The following NHSL3 variants were observed in gnomAD, a reference collection of about 807,000 sequenced individuals.
NHSL3 encodes the protein NHS like 3.
At chr1:32,755,567 G>A in the NHSL3 span, among the ~76,000 whole-genome samples, 1 of 152,164 alleles carries the variant, frequency 6.6e-6, no homozygotes, top group Non-Finnish European at 1.5e-5. Flanking sequence ...GGTTCTGTCT[G>A]TGAAATCAGG....
chr1:32,747,538 T>G, the NHSL3 span, among the ~76,000 whole-genome samples: 3 of 152,000 alleles, frequency 2.0e-5, no homozygotes, highest in African/African-American at 7.3e-5. Context: ...AGTTTGAGAA[T>G]GGGCTGAGGG....
At chr1:32,771,766 T>C in the NHSL3 span, 7 of 1,613,626 alleles carry the variant, frequency 4.3e-6, no homozygotes, top group African/African-American at 6.7e-5. Flanking sequence ...ACCGGTGGGC[T>C]GTAGCAAGGG....
At chr1:32,767,671 G>A in the NHSL3 span, 7 of 824,716 alleles carry the variant, frequency 8.5e-6, no homozygotes, top group African/African-American at 3.4e-5. Context: ...GGCATTGCTT[G>A]TATATGCAAT....
At chr1:32,743,861 GTAACAC>G in the NHSL3 span, among the ~76,000 whole-genome samples, 2 of 152,212 alleles carry the variant, frequency 1.3e-5, no homozygotes, top group Admixed American at 1.3e-4. Flanking sequence ...ACGTGCATGG[GTAACAC>G]CTCCTTGCCC....
At chr1:32,747,401 C>G in the NHSL3 span, among the ~76,000 whole-genome samples, 1 of 152,012 alleles carries the variant, frequency 6.6e-6, no homozygotes, top group Non-Finnish European at 1.5e-5. Flanking sequence ...TCTCGAACTC[C>G]TGACCTCATG....
At chr1:32,760,919 G>T in the NHSL3 span, among the ~76,000 whole-genome samples, 1 of 152,164 alleles carries the variant, frequency 6.6e-6, no homozygotes, top group Admixed American at 6.5e-5. Context: ...GTGCCCACCT[G>T]CGGAGGTGGC....
chr1:32,757,653 T>C, the NHSL3 span, among the ~76,000 whole-genome samples: 7 of 152,134 alleles, frequency 4.6e-5, no homozygotes, highest in Non-Finnish European at 8.8e-5. Flanking sequence ...GTTAATTCAT[T>C]TGTCCTTTGT....
chr1:32,748,529 C>T, the NHSL3 span, among the ~76,000 whole-genome samples: 3 of 152,154 alleles, frequency 2.0e-5, no homozygotes, highest in African/African-American at 7.2e-5. Flanking sequence ...ATGTGCTCCC[C>T]TTCACTTTGC....
At chr1:32,765,839 T>C in the NHSL3 span, 4 of 1,543,924 alleles carry the variant, frequency 2.6e-6, no homozygotes, top group Middle Eastern at 1.7e-4. Context: ...TGAGTGGGTG[T>C]GGCTTGGGGG....
the NHSL3 span, among the ~76,000 whole-genome samples, chr1:32,759,823 A>ACCTTGAGCAAGTTAGTCACTTTC: frequency 6.6e-6 from 1 of 152,176 alleles, no homozygotes; most frequent in African/African-American, 2.4e-5. Context: ...TGGTTGGGTG[A>ACCTTGAGCAAGTTAGTCACTTTC]CCTTGAGCAA....
the NHSL3 span, among the ~76,000 whole-genome samples, chr1:32,752,901 GCACACACA>G: frequency 5.9e-4 from 42 of 71,638 alleles, 1 homozygote; most frequent in African/African-American, 2.4e-3. Flanking sequence ...AAAAAAACAT[GCACACACA>G]CACACACACA....
At chr1:32,754,398 G>A in the NHSL3 span, among the ~76,000 whole-genome samples, 1 of 152,034 alleles carries the variant, frequency 6.6e-6, no homozygotes, top group African/African-American at 2.4e-5. Context: ...ACAGTCACAC[G>A]CACAACACCC....
At chr1:32,768,008 G>A in the NHSL3 span, 4 of 1,612,608 alleles carry the variant, frequency 2.5e-6, no homozygotes, top group African/African-American at 1.3e-5. Flanking sequence ...GTGCTGCACT[G>A]TCAGCTGTCA....
chr1:32,750,582 A>G, the NHSL3 span, among the ~76,000 whole-genome samples: 12 of 152,124 alleles, frequency 7.9e-5, 1 homozygote, highest in African/African-American at 2.9e-4. Context: ...ATCTCTGCTC[A>G]CCGCAACCTC....
At chr1:32,769,943 G>A in the NHSL3 span, 5 of 1,607,410 alleles carry the variant, frequency 3.1e-6, no homozygotes, top group African/African-American at 1.3e-5. Flanking sequence ...GATGCCGTAC[G>A]CATCCCCACA....
At chr1:32,762,518 A>G in the NHSL3 span, among the ~76,000 whole-genome samples, 1 of 150,368 alleles carries the variant, frequency 6.7e-6, no homozygotes, top group African/African-American at 2.5e-5. Context: ...GCTGTAGTGC[A>G]GTGGTACAAT....
the NHSL3 span, among the ~76,000 whole-genome samples, chr1:32,747,762 A>T: frequency 1.7e-3 from 253 of 152,012 alleles, 1 homozygote; most frequent in African/African-American, 5.8e-3. Flanking sequence ...CAGGAGTTCA[A>T]AACCAGCCTG....
the NHSL3 span, chr1:32,772,930 A>T: frequency 1.2e-6 from 2 of 1,603,304 alleles, no homozygotes; most frequent in African/African-American, 2.7e-5. Flanking sequence ...TCCCAGAAAC[A>T]CAATCTCAGG....
the NHSL3 span, among the ~76,000 whole-genome samples, chr1:32,755,978 GGA>G: frequency 6.6e-6 from 1 of 152,164 alleles, no homozygotes; most frequent in African/African-American, 2.4e-5. Flanking sequence ...TTGTGATGGA[GGA>G]GAGAGAAGAT....
Sources: gnomAD v4.1 joint callset for allele counts (sites outside exome capture counted in the v4.1 genomes callset) on GRCh38, gnomAD v4.1.1 for gene constraint, MANE v1.5 for transcripts, NCBI Gene and HGNC (gene_info 2026-07-23, HGNC 2026-07-21) for gene names.